The following DENND1A variants were observed in gnomAD, a reference collection of about 807,000 sequenced individuals.
DENND1A encodes the protein DENN domain-containing protein 1A.
In DENND1A, 51 loss-of-function variants were observed where a neutral mutation model predicts 113.7. The ratio of observed to expected loss-of-function variants is 0.45; its 90% CI spans 0.36 to 0.57. The LOEUF (loss-of-function observed/expected upper bound fraction) is 0.57. Ranked by LOEUF, DENND1A falls within the 20% of genes least tolerant of loss-of-function variation. DENND1A has a pLI of 0.00. For synonymous variants in DENND1A, 565 were observed against 570.8 expected (o/e 0.99, Z 0.14); for missense variants, 1,258 against 1,395.9 (o/e 0.90, Z 1.57).
intron 13 of DENND1A, among the ~76,000 whole-genome samples, chr9:123,510,189 C>T (rs888402557): frequency 6.6e-6 from 1 of 152,250 alleles, no homozygotes; most frequent in Non-Finnish European, 1.5e-5. Flanking sequence ...CTCTCACCAC[C>T]GTGGAGTTCC....
intron 10 of DENND1A, among the ~76,000 whole-genome samples, chr9:123,615,271 A>G (rs1192238257): frequency 6.6e-6 from 1 of 152,248 alleles, no homozygotes; most frequent in African/African-American, 2.4e-5. Context: ...ACAGATGGAA[A>G]AACTAAGATT....
At chr9:123,598,471 A>AAAC (rs1212195780) in intron 11 of DENND1A, among the ~76,000 whole-genome samples, 1 of 151,804 alleles carries the variant, frequency 6.6e-6, no homozygotes, top group African/African-American at 2.4e-5. Context: ...AAAAAAAAAA[A>AAAC]AAAAAACCAA....
At chr9:123,589,647 GAAAA>G (rs58211177) in intron 11 of DENND1A, among the ~76,000 whole-genome samples, 11 of 35,432 alleles carry the variant, frequency 3.1e-4, no homozygotes, top group Admixed American at 1.3e-3. Flanking sequence ...TTCTCAGAAT[GAAAA>G]AAAAAAAAAA....
chr9:123,578,251 T>C (rs1039048368), intron 12 of DENND1A, among the ~76,000 whole-genome samples: 1 of 152,216 alleles, frequency 6.6e-6, no homozygotes, highest in African/African-American at 2.4e-5. Flanking sequence ...ATCCAGAAAA[T>C]GCCTCAAGGC....
At chr9:123,545,616 G>A (rs1469274193) in intron 13 of DENND1A, among the ~76,000 whole-genome samples, 2 of 151,900 alleles carry the variant, frequency 1.3e-5, no homozygotes, top group Admixed American at 6.6e-5. Context: ...ACAGGCGCCC[G>A]CCACCACACC....
chr9:123,732,875 G>A (rs2068276780), intron 5 of DENND1A, among the ~76,000 whole-genome samples: 1 of 152,124 alleles, frequency 6.6e-6, no homozygotes, highest in Non-Finnish European at 1.5e-5. Flanking sequence ...CTGTATAATG[G>A]GGGCCATAGT....
chr9:123,591,832 TA>T (rs1385385848), intron 11 of DENND1A, among the ~76,000 whole-genome samples: 7 of 152,218 alleles, frequency 4.6e-5, no homozygotes, highest in African/African-American at 1.4e-4. Context: ...ATGGGAATAA[TA>T]ATAATAACGA....
At chr9:123,572,875 T>C (rs2058434870) in intron 12 of DENND1A, among the ~76,000 whole-genome samples, 1 of 152,168 alleles carries the variant, frequency 6.6e-6, no homozygotes, top group South Asian at 2.1e-4. Context: ...CTACCCCCAA[T>C]TCATGAGGAT....
chr9:123,562,001 A>G (rs2057786355), intron 12 of DENND1A, among the ~76,000 whole-genome samples: 1 of 152,146 alleles, frequency 6.6e-6, no homozygotes, highest in Non-Finnish European at 1.5e-5. Flanking sequence ...AGACTAGTGG[A>G]GCGGTTTCCT....
chr9:123,391,289 C>A (rs1020072284), intron 21 of DENND1A, among the ~76,000 whole-genome samples: 1 of 152,222 alleles, frequency 6.6e-6, no homozygotes, highest in African/African-American at 2.4e-5. Context: ...AGGGTACATC[C>A]AGGTGAGAAG....
intron 4 of DENND1A, chr9:123,759,331 A>T (rs1236562133): frequency 6.6e-6 from 1 of 152,320 alleles, no homozygotes; most frequent in Non-Finnish European, 1.5e-5. Flanking sequence ...AATCGTGGGT[A>T]CTCTTCTAGG....
chr9:123,881,319 C>T (rs991361138), intron 1 of DENND1A, among the ~76,000 whole-genome samples: 4 of 152,118 alleles, frequency 2.6e-5, no homozygotes, highest in Admixed American at 2.0e-4. Context: ...ATGCAAACAC[C>T]CCTTTCATTC....
At chr9:123,725,348 G>A (rs2067624309) in intron 5 of DENND1A, among the ~76,000 whole-genome samples, 1 of 152,196 alleles carries the variant, frequency 6.6e-6, no homozygotes, top group Non-Finnish European at 1.5e-5. Flanking sequence ...TCAGTGCTTT[G>A]CAAACCAACT....
chr9:123,710,541 A>ACC (rs2066508972), intron 5 of DENND1A, among the ~76,000 whole-genome samples: 1 of 150,574 alleles, frequency 6.6e-6, no homozygotes, highest in African/African-American at 2.5e-5. Context: ...TTAAACACAC[A>ACC]CACACACACA....
chr9:123,718,645 A>G (rs2067134275), intron 5 of DENND1A, among the ~76,000 whole-genome samples: 1 of 152,204 alleles, frequency 6.6e-6, no homozygotes, highest in Non-Finnish European at 1.5e-5. Context: ...GTCCAGAAGA[A>G]CACTGGAACG....
chr9:123,410,024 G>A (rs1236466090), intron 20 of DENND1A, among the ~76,000 whole-genome samples: 9 of 152,140 alleles, frequency 5.9e-5, no homozygotes, highest in Admixed American at 1.3e-4. Context: ...TCCAGGAGGC[G>A]GAGCCTGCAG....
At chr9:123,805,728 C>T (rs1342512530) in intron 2 of DENND1A, among the ~76,000 whole-genome samples, 1 of 151,990 alleles carries the variant, frequency 6.6e-6, no homozygotes, top group East Asian at 1.9e-4. Flanking sequence ...GCCACTGCAC[C>T]ATCCTATATA....
intron 13 of DENND1A, among the ~76,000 whole-genome samples, chr9:123,479,751 T>C (rs2050189269): frequency 6.6e-6 from 1 of 152,232 alleles, no homozygotes; most frequent in Admixed American, 6.5e-5. Flanking sequence ...CCCAAACGCC[T>C]TTTGGCAAAA....
intron 23 of DENND1A, 62 bp downstream of exon 23, chr9:123,383,593 T>A: frequency 6.4e-7 from 1 of 1,562,388 alleles, no homozygotes; most frequent in Non-Finnish European, 8.7e-7. Context: ...CACATGGGGA[T>A]CCCACCTCGT....
Sources: gnomAD v4.1 joint callset for allele counts (sites outside exome capture counted in the v4.1 genomes callset) on GRCh38, gnomAD v4.1.1 for gene constraint, MANE v1.5 for transcripts, NCBI Gene and HGNC (gene_info 2026-07-23, HGNC 2026-07-21) for gene names.